ELP4: variants seen among roughly 807,000 people sequenced by gnomAD.
The protein encoded by ELP4 is elongator acetyltransferase complex subunit 4, also known as elongator complex protein 4.
ELP4 carries 51 observed loss-of-function variants against 48.9 expected under a neutral mutation model. The ratio of observed to expected loss-of-function variants is 1.04; its 90% CI spans 0.83 to 1.32. ELP4 has a LOEUF of 1.32. Ranked by LOEUF, ELP4 falls within the 40% of genes most tolerant of loss-of-function variation. The pLI, the probability that ELP4 is intolerant of heterozygous loss-of-function variation, is 0.00. For synonymous variants in ELP4, 210 were observed against 189.2 expected (o/e 1.11, Z -0.90); for missense variants, 519 against 514.6 (o/e 1.01, Z -0.08).
At chr11:31,577,444 C>T (rs547858622) in intron 3 of ELP4, among the ~76,000 whole-genome samples, 1 of 152,154 alleles carries the variant, frequency 6.6e-6, no homozygotes, top group South Asian at 2.1e-4. Flanking sequence ...ATGAGGCCAG[C>T]ATCATCCTGA....
intron 9 of ELP4, among the ~76,000 whole-genome samples, chr11:31,708,404 C>G (rs1592242289): frequency 6.6e-6 from 1 of 152,134 alleles, no homozygotes; most frequent in East Asian, 1.9e-4. Flanking sequence ...AGCCAACTCT[C>G]AGTTATCTAC....
At chr11:31,562,293 A>G (rs1374509969) in intron 3 of ELP4, among the ~76,000 whole-genome samples, 3 of 152,194 alleles carry the variant, frequency 2.0e-5, no homozygotes, top group African/African-American at 7.2e-5. Flanking sequence ...TTTATTTCTT[A>G]GTGTAATCCT....
intron 9 of ELP4, among the ~76,000 whole-genome samples, chr11:31,752,605 C>T (rs1247353432): frequency 5.9e-5 from 9 of 151,902 alleles, no homozygotes; most frequent in Non-Finnish European, 1.0e-4. Flanking sequence ...GAGGCCGAGG[C>T]GGACGGATCA....
intron 8 of ELP4, chr11:31,648,067 C>T (rs898687851): frequency 1.1e-5 from 4 of 357,940 alleles, no homozygotes; most frequent in Non-Finnish European, 2.0e-5. Flanking sequence ...AACCCAAGTA[C>T]TGAGGCATGG....
chr11:31,783,576 T>C lies in ELP4; in HGVS notation c.*52T>C, dbSNP rs1274625607. 6.5e-7 allele frequency: 1 copy of C among 1,544,988 alleles called. No homozygotes were observed. The highest frequency in any genetic ancestry group is 8.9e-7 in the Non-Finnish European group (1 of 1,129,584). On this transcript the variant is annotated 3_prime_UTR_variant, in exon 10 of 10. Coordinates refer to ENST00000640961, the MANE Select transcript of ELP4 (RefSeq NM_019040.5). ...GAATTCTATGACACTCTAATTATGA[T>C]TGCTAATAGCTTATGTAAATATTTT...
chr11:31,602,940 G>C (rs537094198), intron 4 of ELP4, among the ~76,000 whole-genome samples: 37 of 151,966 alleles, frequency 2.4e-4, no homozygotes, highest in South Asian at 6.2e-4. Flanking sequence ...TCAATGTATT[G>C]AATGAAAGAA....
chr11:31,753,320 T>C lies in ELP4; in HGVS notation c.1144-30073T>C, dbSNP rs138358802. Among the ~76,000 whole-genome samples, 10 of 152,322 alleles carry C rather than the reference T, an allele frequency of 6.6e-5. No individual in the cohort carries two copies. In the East Asian group the frequency reaches 1.3e-3, roughly 21 times the overall value. ...TCTTCATCTCCTGTTTACTTACTTA[T>C]CTTCAGATGTGCTGGCCTCCTCACT... On this transcript the variant is annotated intron_variant, in intron 9 of 9. Transcript: ENST00000640961.
At chr11:31,713,351 G>A (rs1163950379) in intron 9 of ELP4, among the ~76,000 whole-genome samples, 4 of 152,088 alleles carry the variant, frequency 2.6e-5, no homozygotes, top group African/African-American at 9.7e-5. Context: ...TTTATCAAAT[G>A]TTGATGAAAA....
In ELP4 at chr11:31,789,096, A is replaced by T. The variant is rs971689314; in HGVS notation, c.*5572A>T. On this transcript the variant is annotated 3_prime_UTR_variant, in exon 10 of 10. Coordinates refer to ENST00000640961, the MANE Select transcript of ELP4 (RefSeq NM_019040.5). ...AGATGCACAAAATGATTGGACCGTG[A>T]ACAGTAATACAACTATATCTAAGAA... 2.5e-5 allele frequency: 5 copies of T among 202,448 alleles called. No homozygotes were observed. The highest frequency in any genetic ancestry group is 1.1e-4 in the African/African-American group (5 of 43,668). 12.5% of individuals were successfully genotyped at this position (202,448 alleles called of 1,614,324 possible). A position where few individuals can be genotyped will look rare whatever the true frequency, so the allele number is the denominator to read the frequency against.
intron 2 of ELP4, among the ~76,000 whole-genome samples, chr11:31,523,524 G>A (rs1321339004): frequency 6.6e-6 from 1 of 152,068 alleles, no homozygotes; most frequent in Non-Finnish European, 1.5e-5. Flanking sequence ...AGCTTCAGTA[G>A]CAATTTAACT....
In ELP4 at chr11:31,509,819, C is replaced by A; in HGVS notation, c.35C>A (p.Ala12Glu). The A allele has an allele frequency of 1.1e-5, 18 of 1,614,134 alleles. No individual in the cohort carries two copies. Among genetic ancestry groups the A allele is most frequent in the Non-Finnish European group, 1.4e-5 (17 of 1,180,030 alleles). Residue 12 changes from alanine (A) to glutamate (E), a missense_variant, in exon 1 of 10, where the codon GCG becomes GAG. Coordinates refer to ENST00000640961, the MANE Select transcript of ELP4 (RefSeq NM_019040.5). Reference protein sequence around the residue: ...AAVATCGSVAASTGSAVATAS... With the variant: ...AAVATCGSVAESTGSAVATAS... The stretch of plus-strand genomic sequence containing the variant: ...GTGGCAACCTGCGGTAGTGTTGCCG[C>A]GAGTACTGGGTCTGCAGTGGCGACA...
At chr11:31,520,548 T>G (rs536812195) in intron 2 of ELP4, among the ~76,000 whole-genome samples, 1 of 152,250 alleles carries the variant, frequency 6.6e-6, no homozygotes, top group African/African-American at 2.4e-5. Context: ...GCAAGAGTCC[T>G]AATTTAAGTA....
intron 9 of ELP4, among the ~76,000 whole-genome samples, chr11:31,775,810 C>T (rs888546514): frequency 1.3e-5 from 2 of 151,814 alleles, no homozygotes; most frequent in Non-Finnish European, 2.9e-5. Context: ...ACTAAAAATG[C>T]AAAAATTAGC....
chr11:31,516,497 G>T (rs1956113570), intron 1 of ELP4, among the ~76,000 whole-genome samples: 1 of 152,114 alleles, frequency 6.6e-6, no homozygotes, highest in Non-Finnish European at 1.5e-5. Context: ...CCTTTGTTCT[G>T]ATCCATTTGT....
At chr11:31,606,245 A>G (rs147394265) in intron 5 of ELP4, among the ~76,000 whole-genome samples, 33 of 152,266 alleles carry the variant, frequency 2.2e-4, no homozygotes, top group African/African-American at 7.2e-4. Flanking sequence ...TAATTTTCAA[A>G]ATGGGTACTT....
intron 9 of ELP4, among the ~76,000 whole-genome samples, chr11:31,754,754 C>CAGGTACT (rs1277748062): frequency 1.3e-5 from 2 of 152,106 alleles, no homozygotes; most frequent in African/African-American, 4.8e-5. Context: ...CACCTGTAAT[C>CAGGTACT]CCAGCTACTC....
At chr11:31,613,701 A>T (rs1958024208) in intron 5 of ELP4, among the ~76,000 whole-genome samples, 2 of 148,726 alleles carry the variant, frequency 1.3e-5, no homozygotes, top group South Asian at 4.3e-4. Context: ...TTGAATTTTT[A>T]TGATGAACAA....
chr11:31,702,765 A>G (rs1349556426), intron 9 of ELP4, among the ~76,000 whole-genome samples: 7 of 152,142 alleles, frequency 4.6e-5, no homozygotes, highest in African/African-American at 1.7e-4. Flanking sequence ...AATTGCCTTC[A>G]GGTATTTTTT....
intron 9 of ELP4, among the ~76,000 whole-genome samples, chr11:31,683,462 G>A (rs1185474304): frequency 1.3e-5 from 2 of 152,146 alleles, no homozygotes; most frequent in Non-Finnish European, 2.9e-5. Flanking sequence ...CAAATTGAGT[G>A]TATTATTTTG....
Sources: allele counts gnomAD v4.1 joint callset (sites outside exome capture counted in the v4.1 genomes callset), GRCh38; gene constraint gnomAD v4.1.1; transcripts MANE v1.5; gene names NCBI Gene and HGNC (gene_info 2026-07-23, HGNC 2026-07-21).